The following CACNA1B variants were observed in gnomAD, a reference collection of about 807,000 sequenced individuals.
CACNA1B encodes voltage-dependent N-type calcium channel subunit alpha-1B.
Under a neutral mutation model 247.2 loss-of-function variants are expected in CACNA1B, and 70 were observed. That is an observed-to-expected ratio of 0.28 (90% confidence interval 0.23 to 0.35). The LOEUF is 0.35. Ranked by LOEUF, CACNA1B falls within the 10% of genes least tolerant of loss-of-function variation. The probability of loss-of-function intolerance (pLI) is 1.00; values close to 1 mark genes in which losing one functional copy is unlikely to be tolerated. For missense variants in CACNA1B, 2,367 were observed against 3,197.4 expected (o/e 0.74, Z 6.26); for synonymous variants, 1,231 against 1,294.4 (o/e 0.95, Z 1.05).
Position 138,058,592 on chromosome 9 carries a change from C to T in CACNA1B, c.4332C>T (p.Ile1444=). Residue 1444 remains isoleucine (I), a synonymous_variant, in exon 29 of 47, where the codon ATC becomes ATT. Coordinates refer to ENST00000371372, the MANE Select transcript of CACNA1B (RefSeq NM_000718.4). This position sits in a 1 kb window ranked among gnomAD's most constrained non-coding sequence, Gnocchi z 4.7. Reference sequence around the variant, plus strand: ...AGAGGGCTTGCATTGACTTCGCCATCAGCGCCAAACCCCTGACACGGTACA... The same window carrying T: ...AGAGGGCTTGCATTGACTTCGCCATTAGCGCCAAACCCCTGACACGGTACA... The part of the protein sequence containing the change: ...KNERACIDFA[I]SAKPLTRYMP... 6.2e-7 allele frequency: 1 copy of T among 1,611,650 alleles called. No homozygotes were observed. The highest frequency in any genetic ancestry group is 1.3e-5 in the African/African-American group (1 of 74,862).
intron 6 of CACNA1B, among the ~76,000 whole-genome samples, chr9:137,940,236 A>T (rs1374861063): frequency 6.6e-6 from 1 of 152,208 alleles, no homozygotes; most frequent in African/African-American, 2.4e-5. Context: ...GAAATGGGAG[A>T]TATTACAACT....
chr9:137,995,079 G>A (rs7020694), intron 15 of CACNA1B, among the ~76,000 whole-genome samples: 44,654 of 151,838 alleles, frequency 0.29, 8,967 homozygotes, highest in East Asian at 0.64. Context: ...GCGGTGGCTT[G>A]TGCCTGTAAT....
At chr9:137,987,496 C>T (rs1214773517) in intron 15 of CACNA1B, among the ~76,000 whole-genome samples, 1 of 152,214 alleles carries the variant, frequency 6.6e-6, no homozygotes, top group East Asian at 1.9e-4. Flanking sequence ...TCCCATGAAA[C>T]ATACTTGGAT....
intron 3 of CACNA1B, among the ~76,000 whole-genome samples, chr9:137,893,090 G>C (rs1448577606): frequency 6.6e-6 from 1 of 152,186 alleles, no homozygotes; most frequent in Non-Finnish European, 1.5e-5. Context: ...CCTCCCAGGA[G>C]GTGCCTTTAC....
intron 6 of CACNA1B, among the ~76,000 whole-genome samples, chr9:137,932,503 A>T (rs1957619254): frequency 6.6e-6 from 1 of 152,156 alleles, no homozygotes; most frequent in South Asian, 2.1e-4. Flanking sequence ...TGTTGTTTTC[A>T]CTTTCCCATA....
intron 20 of CACNA1B, among the ~76,000 whole-genome samples, chr9:138,042,501 T>C (rs1959137403): frequency 6.6e-6 from 1 of 152,206 alleles, no homozygotes; most frequent in African/African-American, 2.4e-5. Flanking sequence ...TGGGAATACA[T>C]ATTTTTGTGG....
intron 3 of CACNA1B, among the ~76,000 whole-genome samples, chr9:137,894,446 G>C (rs146294441): frequency 1.3e-5 from 2 of 151,166 alleles, no homozygotes; most frequent in African/African-American, 4.9e-5. Flanking sequence ...ATGGAGTCTC[G>C]CTCTGTCATC....
rs529507478 is a variant in CACNA1B, at chr9:137,935,644, G to A, written c.967-16630G>A. Among the ~76,000 whole-genome samples, 32 of 152,302 alleles carry A rather than the reference G, an allele frequency of 2.1e-4. No homozygotes were observed. In the East Asian group the frequency reaches 2.5e-3, roughly 12 times the overall value. On this transcript the variant is annotated intron_variant, in intron 6 of 46. Transcript: ENST00000371372. The stretch of plus-strand genomic sequence containing the variant: ...AGTAATGGGATCACTGGGTCAAATG[G>A]TATTTCTAGTTCTAGATCCTTGAGG...
In CACNA1B at chr9:138,023,450, C is replaced by T. The variant is rs1309265267; in HGVS notation, c.2707C>T (p.Arg903Trp). ...SKEAAGPPEA[R>W]SERGRGPGPE... ...GGAGGCCGCGGGGCCCCCGGAGGCGCGGAGCGAGCGCGGCCGAGGCCCAGG... is the reference window on the plus strand; with the variant it reads ...GGAGGCCGCGGGGCCCCCGGAGGCGTGGAGCGAGCGCGGCCGAGGCCCAGG... The change falls in exon 19 of 47, where the codon CGG (arginine) becomes TGG (tryptophan). Residue 903 changes from arginine (R) to tryptophan (W), a missense_variant. Physicochemically the swap from Arg to Trp is moderately radical, Grantham distance 101. Around this residue, in one of 12 missense-constraint regions of CACNA1B, gnomAD observed 631 missense variants for 631.1 expected, o/e 1.00. Coordinates refer to ENST00000371372, the MANE Select transcript of CACNA1B (RefSeq NM_000718.4). The T allele has an allele frequency of 5.7e-6, 7 of 1,226,554 alleles. No individual in the cohort carries two copies. The highest frequency in any genetic ancestry group is 6.1e-6 in the Non-Finnish European group (6 of 985,902). 76.0% of individuals were successfully genotyped at this position (1,226,554 alleles called of 1,614,324 possible).
At chr9:138,023,921 A>T in intron 19 of CACNA1B, 110 bp downstream of exon 19, 2 of 626,632 alleles carry the variant, frequency 3.2e-6, no homozygotes, top group African/African-American at 3.9e-5. Flanking sequence ...AGCCCCGGCC[A>T]CGCTGCCATG....
At chr9:137,999,477 TA>T (rs1958539174) in intron 15 of CACNA1B, among the ~76,000 whole-genome samples, 1 of 151,704 alleles carries the variant, frequency 6.6e-6, no homozygotes, top group African/African-American at 2.4e-5. Flanking sequence ...CTTATAATCT[TA>T]ATGCAGTTAT....
chr9:137,995,225 AAAAC>A, intron 15 of CACNA1B, among the ~76,000 whole-genome samples: 1 of 152,090 alleles, frequency 6.6e-6, no homozygotes, highest in South Asian at 2.1e-4. Context: ...AAAAAAAAAA[AAAAC>A]AAAATCAGCA....
Position 137,917,134 on chromosome 9 carries a change from G to T in CACNA1B, c.776-107G>T. ...TGAGGGAGAGTTTCTGTTGGTGGCT[G>T]GTTCCTGCCCACCTGCTGTGAGCTC... On this transcript the variant is annotated intron_variant, in intron 5 of 46. Coordinates refer to ENST00000371372, the MANE Select transcript of CACNA1B (RefSeq NM_000718.4). The surrounding 1 kb of genome is among the most constrained non-coding windows in gnomAD (Gnocchi z 5.5). The T allele has an allele frequency of 1.0e-6, 1 of 962,496 alleles. No individual in the cohort carries two copies. The allele number at this position is 962,496 out of a possible 1,614,324, so 59.6% of individuals were successfully genotyped here.
intron 15 of CACNA1B, among the ~76,000 whole-genome samples, chr9:137,988,772 A>G (rs1564224117): frequency 1.3e-5 from 2 of 152,028 alleles, no homozygotes; most frequent in African/African-American, 2.4e-5. Context: ...GCCCCCTCTG[A>G]GCACTGGGGG....
At chr9:138,094,600 T>C (rs865781351) in intron 36 of CACNA1B, among the ~76,000 whole-genome samples, 3 of 152,178 alleles carry the variant, frequency 2.0e-5, no homozygotes, top group East Asian at 3.8e-4. Context: ...TGCAGACTTA[T>C]ATCCCTTATG....
At chr9:137,923,078 C>A (rs1181597603) in intron 6 of CACNA1B, among the ~76,000 whole-genome samples, 1 of 152,236 alleles carries the variant, frequency 6.6e-6, no homozygotes, top group Admixed American at 6.5e-5. Flanking sequence ...AAACAAAATT[C>A]TCTGGAGGTT....
rs191671098 is a variant in CACNA1B at position 137,974,428 on chromosome 9, T to C, written c.1544-1479T>C. Among the ~76,000 whole-genome samples, 143 of 152,304 alleles carry C rather than the reference T, an allele frequency of 9.4e-4. No individual in the cohort carries two copies. Among genetic ancestry groups the C allele is most frequent in the African/African-American group, 3.2e-3 (134 of 41,566 alleles). ...AGAGGCCAGGCTTGCTACAGGTGAC[T>C]TGCTCCAAGGAACTGGTTGTCCATG... On this transcript the variant is annotated intron_variant, in intron 11 of 46. Coordinates refer to ENST00000371372, the MANE Select transcript of CACNA1B (RefSeq NM_000718.4). This position sits in a 1 kb window ranked among gnomAD's most constrained non-coding sequence, Gnocchi z 4.5.
At position 138,122,023 on chromosome 9, in the gene CACNA1B, C is replaced by T. The variant is rs1329586746; in HGVS notation, c.*24C>T. 1 of 1,576,270 alleles carries T rather than the reference C, an allele frequency of 6.3e-7. No homozygotes were observed. Among genetic ancestry groups the T allele is most frequent in the East Asian group, 2.3e-5 (1 of 44,092 alleles). ...AGCTGCACCGTGACCGCTCAGACGCCTGCATGCAGCAGGCGTGTGTTCCAG... is the reference window on the plus strand; with the variant it reads ...AGCTGCACCGTGACCGCTCAGACGCTTGCATGCAGCAGGCGTGTGTTCCAG... On this transcript the variant is annotated 3_prime_UTR_variant, in exon 47 of 47. Transcript: ENST00000371372.
chr9:138,049,254 G>A lies in CACNA1B; in HGVS notation c.3649G>A (p.Asp1217Asn). 2 of 1,613,898 alleles carry A rather than the reference G, an allele frequency of 1.2e-6. No homozygotes were observed. The highest frequency in any genetic ancestry group is 1.7e-6 in the Non-Finnish European group (2 of 1,179,748). ...LLLHPGAYFR[D>N]LWNILDFIVV... The stretch of plus-strand genomic sequence containing the variant: ...GCTTCACCCTGGAGCCTATTTCCGG[G>A]ACTTGTGGAACATTCTGGACTTCAT... Residue 1217 changes from aspartate to asparagine, a missense_variant, in exon 24 of 47, where the codon GAC becomes AAC. By Grantham distance (23) the Asp-to-Asn change is conservative. Transcript: ENST00000371372.
Sources: gnomAD v4.1 joint callset for allele counts (sites outside exome capture counted in the v4.1 genomes callset) on GRCh38, gnomAD v4.1.1 for gene constraint, gnomAD v4.1.1 regional missense constraint, Gnocchi (gnomAD v3.1) non-coding constraint, MANE v1.5 for transcripts, NCBI Gene and HGNC (gene_info 2026-07-23, HGNC 2026-07-21) for gene names.